OSBPL10: variants seen among roughly 807,000 people sequenced by gnomAD.
OSBPL10 encodes oxysterol-binding protein-related protein 10.
In OSBPL10, 49 loss-of-function variants were observed where a neutral mutation model predicts 81.7. The ratio of observed to expected loss-of-function variants is 0.60; its 90% CI spans 0.48 to 0.76. The LOEUF (loss-of-function observed/expected upper bound fraction) is 0.76. Among genes scored for constraint, OSBPL10 ranks in the 30% least tolerant of loss-of-function variants. The pLI is 0.00. For missense variants in OSBPL10, 923 were observed against 987.8 expected (o/e 0.93, Z 0.88); for synonymous variants, 419 against 383.6 (o/e 1.09, Z -1.08).
chr3:31,945,736 GGGTTTATA>G (rs1697681646), intron 1 of OSBPL10, among the ~76,000 whole-genome samples: 2 of 152,116 alleles, frequency 1.3e-5, no homozygotes. Flanking sequence ...TTGACCAGAG[GGGTTTATA>G]CTGCTTTTCT....
At chr3:31,994,635 A>G (rs1403590856) in intron 2 of OSBPL10, among the ~76,000 whole-genome samples, 3 of 152,194 alleles carry the variant, frequency 2.0e-5, no homozygotes, top group African/African-American at 7.2e-5. Flanking sequence ...ACCTTCTTCA[A>G]GTGACAGTAA....
chr3:31,755,413 T>C (rs961673807), intron 4 of OSBPL10, among the ~76,000 whole-genome samples: 17 of 152,256 alleles, frequency 1.1e-4, no homozygotes, highest in Non-Finnish European at 2.5e-4. Context: ...CTAATCTTTT[T>C]GGTAATAGAA....
intron 3 of OSBPL10, among the ~76,000 whole-genome samples, chr3:31,839,714 T>C (rs1179112162): frequency 1.3e-5 from 2 of 151,516 alleles, no homozygotes; most frequent in African/African-American, 2.4e-5. Context: ...TTGAGCAAGA[T>C]GGACAGTGTG....
At chr3:32,023,937 TAAG>T (rs1699380336) in intron 2 of OSBPL10, among the ~76,000 whole-genome samples, 1 of 152,206 alleles carries the variant, frequency 6.6e-6, no homozygotes. Flanking sequence ...CATACTATAA[TAAG>T]AATCTTAAAC....
At chr3:31,672,353 TG>T (rs1201721005) in intron 8 of OSBPL10, among the ~76,000 whole-genome samples, 6 of 40,698 alleles carry the variant, frequency 1.5e-4, no homozygotes, top group South Asian at 2.1e-3. Context: ...AGCTAGAATT[TG>T]CGGGGGCGGG....
chr3:31,739,698 A>G (rs1366280751), intron 5 of OSBPL10, among the ~76,000 whole-genome samples: 1 of 152,098 alleles, frequency 6.6e-6, no homozygotes, highest in Non-Finnish European at 1.5e-5. Flanking sequence ...CTCACCAGAA[A>G]CTTTTGGCCC....
At chr3:31,848,346 C>A (rs532220071) in intron 3 of OSBPL10, among the ~76,000 whole-genome samples, 4 of 151,666 alleles carry the variant, frequency 2.6e-5, no homozygotes, top group East Asian at 3.9e-4. Context: ...CAAGCCCCCC[C>A]CAGTTAGTTC....
intron 5 of OSBPL10, among the ~76,000 whole-genome samples, chr3:31,736,418 CA>C (rs1472537147): frequency 6.6e-6 from 1 of 152,000 alleles, no homozygotes; most frequent in African/African-American, 2.4e-5. Context: ...GCACTAATAC[CA>C]GAACTTGAGA....
chr3:31,955,409 CAT>C (rs1257287359), intron 1 of OSBPL10, among the ~76,000 whole-genome samples: 1 of 152,192 alleles, frequency 6.6e-6, no homozygotes, highest in Non-Finnish European at 1.5e-5. Flanking sequence ...GAAAAAGAAC[CAT>C]ATGAGCCCAA....
intron 7 of OSBPL10, among the ~76,000 whole-genome samples, chr3:31,697,510 A>G (rs1695761888): frequency 6.6e-6 from 1 of 152,260 alleles, no homozygotes; most frequent in South Asian, 2.1e-4. Flanking sequence ...CTAGCTGTTC[A>G]GGCCAGAAAT....
intron 1 of OSBPL10, among the ~76,000 whole-genome samples, chr3:31,938,767 T>G (rs148598030): frequency 1.3e-3 from 191 of 152,246 alleles, no homozygotes; most frequent in Non-Finnish European, 2.1e-3. Flanking sequence ...GTGCTGAGAC[T>G]ACAGGTGTGA....
rs139631665 is a variant in OSBPL10 at position 31,664,431 on chromosome 3, A to G, written c.2097-199T>C. 292 of 601,996 alleles carry G rather than the reference A, an allele frequency of 4.9e-4. No homozygotes were observed. In the East Asian group the frequency reaches 7.8e-3, roughly 16 times the overall value. 37.3% of individuals were successfully genotyped at this position (601,996 alleles called of 1,614,324 possible). A position where few individuals can be genotyped will look rare whatever the true frequency, so the allele number is the denominator to read the frequency against. ...CCAGCTCCACCTCTGTGTTGTTTCTACTCTCCGCTTGTACCAGGCAGCATG... is the reference window on the plus strand; with the variant it reads ...CCAGCTCCACCTCTGTGTTGTTTCTGCTCTCCGCTTGTACCAGGCAGCATG... On this transcript the variant is annotated intron_variant, in intron 10 of 11. Coordinates refer to ENST00000396556, the MANE Select transcript of OSBPL10 (RefSeq NM_017784.5).
intron 1 of OSBPL10, among the ~76,000 whole-genome samples, chr3:31,971,203 C>T (rs1231449667): frequency 2.9e-5 from 4 of 140,342 alleles, no homozygotes; most frequent in Non-Finnish European, 6.0e-5. Context: ...TGCAGTGGCA[C>T]AATCTTGGCT....
intron 2 of OSBPL10, among the ~76,000 whole-genome samples, chr3:32,015,133 G>C (rs1481798530): frequency 6.6e-6 from 1 of 152,146 alleles, no homozygotes; most frequent in Admixed American, 6.6e-5. Context: ...AGCCTGCATT[G>C]CTAAGTCAAT....
intron 1 of OSBPL10, among the ~76,000 whole-genome samples, chr3:31,905,765 G>A (rs1302541250): frequency 1.3e-5 from 2 of 151,572 alleles, no homozygotes; most frequent in African/African-American, 4.9e-5. Context: ...ATTCAAATCT[G>A]TCTTGAAATA....
In OSBPL10 at chr3:31,981,223, C is replaced by T. The variant is rs1698834678; in HGVS notation, c.-44G>A. ...ACGCGGGTGCCCGCCGCGGTGGCGG[C>T]CCCGGCACGGCGGCTGCTGCTGCTG... On this transcript the variant is annotated 5_prime_UTR_variant, in exon 1 of 12. Coordinates refer to ENST00000396556, the MANE Select transcript of OSBPL10 (RefSeq NM_017784.5). This position sits in a 1 kb window ranked among gnomAD's most constrained non-coding sequence, Gnocchi z 4.5. The T allele has an allele frequency of 3.0e-6, 4 of 1,348,638 alleles. No homozygotes were observed. The highest frequency in any genetic ancestry group is 3.1e-5 in the African/African-American group (2 of 64,846). The allele number at this position is 1,348,638 out of a possible 1,614,324, so 83.5% of individuals were successfully genotyped here. A position where few individuals can be genotyped will look rare whatever the true frequency, so the allele number is the denominator to read the frequency against.
chr3:31,674,545 G>A (rs918723055), intron 8 of OSBPL10, among the ~76,000 whole-genome samples: 1 of 152,056 alleles, frequency 6.6e-6, no homozygotes, highest in African/African-American at 2.4e-5. Context: ...GGACAACAGA[G>A]TGAGACCCTG....
intron 4 of OSBPL10, among the ~76,000 whole-genome samples, chr3:31,829,252 G>A (rs932612077): frequency 6.6e-6 from 1 of 152,166 alleles, no homozygotes; most frequent in African/African-American, 2.4e-5. Flanking sequence ...AGCACTCAAA[G>A]GAAGTAGGCA....
At chr3:31,846,990 T>C (rs994950731) in intron 3 of OSBPL10, among the ~76,000 whole-genome samples, 1 of 152,152 alleles carries the variant, frequency 6.6e-6, no homozygotes, top group Non-Finnish European at 1.5e-5. Flanking sequence ...GTGTCTTCAA[T>C]TGTCACCTCT....
Sources: allele counts gnomAD v4.1 joint callset (sites outside exome capture counted in the v4.1 genomes callset), GRCh38; gene constraint gnomAD v4.1.1; non-coding constraint Gnocchi (gnomAD v3.1); transcripts MANE v1.5; gene names NCBI Gene and HGNC (gene_info 2026-07-23, HGNC 2026-07-21).